ATP8A2: variants seen among roughly 807,000 people sequenced by gnomAD.
The protein encoded by ATP8A2 is ATPase phospholipid transporting 8A2, also known as phospholipid-transporting ATPase IB.
Under a neutral mutation model 165.6 loss-of-function variants are expected in ATP8A2, and 100 were observed. The observed-to-expected ratio is 0.60, with a 90% CI of 0.51 to 0.71. The LOEUF is 0.71. Ranked by LOEUF, ATP8A2 falls within the 30% of genes least tolerant of loss-of-function variation. The probability of loss-of-function intolerance (pLI) is 0.00; values close to 1 mark genes in which losing one functional copy is unlikely to be tolerated. For missense variants in ATP8A2, 1,227 were observed against 1,479.5 expected, an observed-to-expected ratio of 0.83 and a Z score of 2.80; for synonymous variants, 543 against 548.8, an observed-to-expected ratio of 0.99 and a Z score of 0.15.
intron 25 of ATP8A2, among the ~76,000 whole-genome samples, chr13:25,743,863 C>T (rs933268524): frequency 5.9e-5 from 9 of 152,194 alleles, no homozygotes; most frequent in African/African-American, 2.2e-4. Context: ...GAGGAACATG[C>T]ATACTCTCTG....
intron 1 of ATP8A2, among the ~76,000 whole-genome samples, chr13:25,377,717 G>A (rs562142626): frequency 1.3e-5 from 2 of 152,282 alleles, no homozygotes; most frequent in African/African-American, 4.8e-5. Flanking sequence ...ACTTGAGTCT[G>A]TGAGGTGGAG....
chr13:25,892,039 T>G lies in ATP8A2; in HGVS notation c.3183+29631T>G, dbSNP rs143941788. On this transcript the variant is annotated intron_variant, in intron 33 of 36. Transcript: ENST00000381655. ...TCTGGCTCTGTTGCCCAGGCTGGAG[T>G]GCAGGGGCGCGATCTTGGCTCACTG... is the stretch of plus-strand genomic sequence containing the variant. Among the ~76,000 whole-genome samples, 87 of 150,924 alleles carry G rather than the reference T, an allele frequency of 5.8e-4. 1 individual carries two copies. The highest frequency in any genetic ancestry group is 2.0e-3 in the African/African-American group (82 of 41,022).
intron 1 of ATP8A2, among the ~76,000 whole-genome samples, chr13:25,464,446 T>A (rs1463392920): frequency 7.8e-6 from 1 of 127,462 alleles, no homozygotes. Flanking sequence ...CATCTCTATC[T>A]AAAAAAAAAA....
At chr13:25,597,575 T>C (rs1410899550) in intron 24 of ATP8A2, among the ~76,000 whole-genome samples, 1 of 152,270 alleles carries the variant, frequency 6.6e-6, no homozygotes, top group Non-Finnish European at 1.5e-5. Flanking sequence ...GAGACCTCAG[T>C]CCGACAATCA....
Position 25,701,275 on chromosome 13 carries a change from TC to T in ATP8A2, c.2384+1932del, listed in dbSNP as rs1219116158. On this transcript the variant is annotated intron_variant, in intron 25 of 36. Transcript: ENST00000381655. ...AAAGTAGCTGATCCTGTGCTTTCTT[TC>T]CTGGGTTCTATTTGAGCAGTTTAGA... is the stretch of plus-strand genomic sequence containing the variant. Among the ~76,000 whole-genome samples, 9 of 152,350 alleles carry T rather than the reference TC, an allele frequency of 5.9e-5. No individual in the cohort carries two copies. The East Asian group carries it at 1.5e-3, about 26-fold the overall frequency.
intron 33 of ATP8A2, among the ~76,000 whole-genome samples, chr13:25,916,806 C>T (rs1248150192): frequency 1.3e-5 from 2 of 148,564 alleles, no homozygotes; most frequent in Non-Finnish European, 2.9e-5. Flanking sequence ...GAGTGTTACA[C>T]TGTGGTTGTA....
intron 6 of ATP8A2, among the ~76,000 whole-genome samples, chr13:25,534,551 T>C (rs753874983): frequency 3.9e-5 from 6 of 152,252 alleles, no homozygotes; most frequent in Non-Finnish European, 7.3e-5. Flanking sequence ...GATGGTCTTC[T>C]GTGGTCCAGG....
At chr13:25,851,514 C>A (rs9511950) in intron 30 of ATP8A2, among the ~76,000 whole-genome samples, 19,994 of 150,764 alleles carry the variant, frequency 0.13, 1,551 homozygotes, top group Non-Finnish European at 0.18. Flanking sequence ...ACCCAGGAGG[C>A]AGAGTTTGCA....
At chr13:25,839,222 GTC>G (rs1166599836) in intron 29 of ATP8A2, among the ~76,000 whole-genome samples, 1 of 152,066 alleles carries the variant, frequency 6.6e-6, no homozygotes, top group African/African-American at 2.4e-5. Flanking sequence ...AAATGGTGTT[GTC>G]TCTCTTACAA....
Position 25,816,314 on chromosome 13 carries a change from C to T in ATP8A2, c.2680-11804C>T, listed in dbSNP as rs141330003. Among the ~76,000 whole-genome samples the T allele has an allele frequency of 7.5e-3, 1,137 of 152,262 alleles. 16 individuals carry two copies. Among genetic ancestry groups the T allele is most frequent in the African/African-American group, 0.026 (1,093 of 41,536 alleles). ...ATTTGGAGAATTCATGTCTAGTGTC[C>T]TTCACGGTCTGAATCCAGCCCTCTT... On this transcript the variant is annotated intron_variant, in intron 27 of 36. Coordinates refer to ENST00000381655, the MANE Select transcript of ATP8A2 (RefSeq NM_016529.6).
At chr13:25,746,431 A>G (rs2044032922) in intron 25 of ATP8A2, among the ~76,000 whole-genome samples, 1 of 152,236 alleles carries the variant, frequency 6.6e-6, no homozygotes, top group Non-Finnish European at 1.5e-5. Context: ...TGCAGAATGA[A>G]GCTGATTAAA....
rs572215477 is a variant in ATP8A2, at chr13:26,024,567, C to G, written c.*4582C>G. On this transcript the variant is annotated 3_prime_UTR_variant, in exon 37 of 37. Coordinates refer to ENST00000381655, the MANE Select transcript of ATP8A2 (RefSeq NM_016529.6). ...AAAAGAAGGGCGAGCTCCCCCGCGC[C>G]GCACCCCGTGTATAATCCAGTGTTA... 1.3e-5 allele frequency: 2 copies of G among 152,280 alleles called. No homozygotes were observed. Among genetic ancestry groups the G allele is most frequent in the African/African-American group, 4.8e-5 (2 of 41,458 alleles). 9.4% of individuals were successfully genotyped at this position (152,280 alleles called of 1,614,324 possible).
chr13:25,389,195 ACT>A (rs1334172535), intron 1 of ATP8A2, among the ~76,000 whole-genome samples: 13 of 152,082 alleles, frequency 8.5e-5, no homozygotes, highest in Non-Finnish European at 1.9e-4. Flanking sequence ...GAAACAGGAA[ACT>A]CTAGCATTTT....
At chr13:25,905,488 A>C (rs528842447) in intron 33 of ATP8A2, among the ~76,000 whole-genome samples, 1 of 152,190 alleles carries the variant, frequency 6.6e-6, no homozygotes, top group African/African-American at 2.4e-5. Context: ...TTAAATAAAA[A>C]CAAGAGCAGT....
intron 33 of ATP8A2, among the ~76,000 whole-genome samples, chr13:25,921,346 G>T (rs7335584): frequency 2.0e-5 from 3 of 151,608 alleles, no homozygotes; most frequent in Non-Finnish European, 4.4e-5. Flanking sequence ...GGCCAGGCAC[G>T]GTGGCTCACA....
chr13:25,553,050 A>G (rs933516072), intron 11 of ATP8A2, among the ~76,000 whole-genome samples: 1 of 152,028 alleles, frequency 6.6e-6, no homozygotes, highest in Non-Finnish European at 1.5e-5. Context: ...CACAGCTTTA[A>G]TATCAGTTAA....
intron 16 of ATP8A2, among the ~76,000 whole-genome samples, chr13:25,568,372 A>G (rs1219364544): frequency 6.6e-6 from 1 of 152,230 alleles, no homozygotes; most frequent in Non-Finnish European, 1.5e-5. Context: ...TATGATTTGG[A>G]TAATTTGTAG....
intron 30 of ATP8A2, among the ~76,000 whole-genome samples, chr13:25,853,300 G>A (rs1473837089): frequency 6.6e-6 from 1 of 151,314 alleles, no homozygotes; most frequent in African/African-American, 2.4e-5. Flanking sequence ...GCTGAGGAAG[G>A]AGAATTGCTT....
At chr13:25,636,813 C>T (rs2041379151) in intron 24 of ATP8A2, among the ~76,000 whole-genome samples, 2 of 152,070 alleles carry the variant, frequency 1.3e-5, no homozygotes, top group South Asian at 4.1e-4. Flanking sequence ...AATATTGTGG[C>T]TGGGTGTGGT....
Sources: allele counts gnomAD v4.1 joint callset (sites outside exome capture counted in the v4.1 genomes callset), GRCh38; gene constraint gnomAD v4.1.1; transcripts MANE v1.5; gene names NCBI Gene and HGNC (gene_info 2026-07-23, HGNC 2026-07-21).